The following TFAP2B variants were observed in gnomAD, a reference collection of about 807,000 sequenced individuals.
TFAP2B encodes transcription factor AP-2 beta.
In TFAP2B, 9 loss-of-function variants were observed where a neutral mutation model predicts 44.3. That is an observed-to-expected ratio of 0.20 (90% CI 0.12 to 0.35). TFAP2B has a LOEUF of 0.35. Ranked by LOEUF, TFAP2B falls within the 10% of genes least tolerant of loss-of-function variation. The probability of loss-of-function intolerance (pLI) is 1.00; values close to 1 mark genes in which losing one functional copy is unlikely to be tolerated. For missense variants in TFAP2B, 509 were observed against 600.0 expected (o/e 0.85, Z 1.59); for synonymous variants, 270 against 263.8 (o/e 1.02, Z -0.23).
intron 3 of TFAP2B, among the ~76,000 whole-genome samples, chr6:50,832,316 C>T (rs1055560275): frequency 2.0e-5 from 3 of 152,186 alleles, no homozygotes; most frequent in African/African-American, 7.2e-5. Context: ...TCCTATACAC[C>T]ATGTAAGTGA....
At position 50,823,505 on chromosome 6, in the gene TFAP2B, C is replaced by A; in HGVS notation, c.180C>A (p.Thr60=). The change falls in exon 2 of 7, where the codon ACC becomes ACA. Residue 60 remains threonine (T), a synonymous_variant. Coordinates refer to ENST00000393655, the MANE Select transcript of TFAP2B (RefSeq NM_003221.4). The stretch of plus-strand genomic sequence containing the variant: ...CGAGCGCCCCGCCGCTGTCCCACAC[C>A]CCGTCGTCGGACTTCCAGCCGCCCT... ...PYSSAPPLSH[T]PSSDFQPPYF... 1 of 1,613,774 alleles carries A rather than the reference C, an allele frequency of 6.2e-7. No individual in the cohort carries two copies. Among genetic ancestry groups the A allele is most frequent in the South Asian group, 1.1e-5 (1 of 91,016 alleles).
At chr6:50,826,097 G>A (rs144984786) in intron 2 of TFAP2B, among the ~76,000 whole-genome samples, 152 of 152,298 alleles carry the variant, frequency 1.0e-3, no homozygotes, top group Non-Finnish European at 1.8e-3. Context: ...GGAAGCTGGG[G>A]TGCGGGGGCT....
chr6:50,821,353 G>A (rs1468273280), intron 1 of TFAP2B, among the ~76,000 whole-genome samples: 2 of 152,100 alleles, frequency 1.3e-5, no homozygotes, highest in African/African-American at 4.8e-5. Context: ...AAATAACCAG[G>A]CCCACCAATT....
At chr6:50,836,005 C>A in intron 3 of TFAP2B, 56 bp from the exon 4 acceptor site, 1 of 1,352,866 alleles carries the variant, frequency 7.4e-7, no homozygotes, top group East Asian at 2.3e-5. Context: ...TTCTATCAGC[C>A]GGTCATCAGG....
At chr6:50,822,036 G>A in intron 1 of TFAP2B, 1 of 718,692 alleles carries the variant, frequency 1.4e-6, no homozygotes, top group Non-Finnish European at 2.1e-6. Context: ...AACACATCAA[G>A]CTCAGCTCCT....
intron 3 of TFAP2B, among the ~76,000 whole-genome samples, chr6:50,834,887 G>A (rs534513697): frequency 6.6e-6 from 1 of 152,304 alleles, no homozygotes; most frequent in Admixed American, 6.5e-5. Flanking sequence ...CAAAGTTACA[G>A]GGAAAGTCAG....
intron 6 of TFAP2B, 94 bp downstream of exon 6, chr6:50,840,391 C>G (rs1169897600): frequency 1.3e-6 from 2 of 1,501,640 alleles, no homozygotes; most frequent in Non-Finnish European, 1.8e-6. Context: ...GAGAAAGAAG[C>G]CAGAGGGTTG....
In TFAP2B at chr6:50,826,847, G is replaced by A. The variant is rs184962734; in HGVS notation, c.541-1772G>A. Among the ~76,000 whole-genome samples the A allele has an allele frequency of 1.9e-3, 290 of 152,218 alleles. 1 individual carries two copies. Among genetic ancestry groups the A allele is most frequent in the African/African-American group, 6.7e-3 (279 of 41,526 alleles). On this transcript the variant is annotated intron_variant, in intron 2 of 6. Transcript: ENST00000393655. ...CTCAAACACACCCGAGTGTCTTAAAGCAACCCCTGGTATCACTTTTAACTA... is the reference window on the plus strand; with the variant it reads ...CTCAAACACACCCGAGTGTCTTAAAACAACCCCTGGTATCACTTTTAACTA...
chr6:50,823,141 G>T (rs1319216972), intron 1 of TFAP2B, among the ~76,000 whole-genome samples: 1 of 152,090 alleles, frequency 6.6e-6, no homozygotes. Context: ...AAATGTTATA[G>T]TTAAGTGGGT....
At chr6:50,831,970 C>T (rs1334804086) in intron 3 of TFAP2B, among the ~76,000 whole-genome samples, 4 of 152,124 alleles carry the variant, frequency 2.6e-5, no homozygotes, top group African/African-American at 9.7e-5. Context: ...TTAGTTCTGG[C>T]CCCTTCCCCA....
intron 2 of TFAP2B, among the ~76,000 whole-genome samples, 153 bp downstream of exon 2, chr6:50,824,018 A>G (rs1005307854): frequency 1.3e-5 from 2 of 152,212 alleles, no homozygotes; most frequent in East Asian, 1.9e-4. Context: ...AGAACTGTTT[A>G]TGTGTGTCTG....
chr6:50,831,256 G>C (rs2113942148), intron 3 of TFAP2B, among the ~76,000 whole-genome samples: 1 of 152,324 alleles, frequency 6.6e-6, no homozygotes, highest in Admixed American at 6.5e-5. Flanking sequence ...CCAGTAGAGA[G>C]AGCAAACGAG....
intron 3 of TFAP2B, 61 bp downstream of exon 3, chr6:50,828,740 T>G (rs1770594590): frequency 6.4e-7 from 1 of 1,567,384 alleles, no homozygotes; most frequent in African/African-American, 1.4e-5. Flanking sequence ...GTCTTTATGA[T>G]GAATTTTCAC....
Position 50,823,427 on chromosome 6 carries a change from G to A in TFAP2B, c.102G>A (p.Pro34=). The A allele has an allele frequency of 6.2e-7, 1 of 1,601,256 alleles. No individual in the cohort carries two copies. Among genetic ancestry groups the A allele is most frequent in the South Asian group, 1.1e-5 (1 of 89,130 alleles). The part of the protein sequence containing the change: ...DIYEDRHDGV[P]SHSSRLSQLG... ...CCCAGGACCGGCACGATGGTGTCCC[G>A]AGCCACAGCTCGCGGCTCTCCCAGC... Residue 34 remains proline, a synonymous_variant, in exon 2 of 7, where the codon CCG becomes CCA. Transcript: ENST00000393655.
In TFAP2B at chr6:50,846,475, C is replaced by A. The variant is rs1762852970; in HGVS notation, c.*3083C>A. 1 of 152,642 alleles carries A rather than the reference C, an allele frequency of 6.6e-6. No individual in the cohort carries two copies. The highest frequency in any genetic ancestry group is 1.5e-5 in the Non-Finnish European group (1 of 68,110). The allele number at this position is 152,642 out of a possible 1,614,324, so 9.5% of individuals were successfully genotyped here. Reference sequence around the variant, plus strand: ...GGTGAGTTGCAGCTCTCCCCCCGGCCCCTGCACTCTTCAGACATTTGGTCC... The same window carrying A: ...GGTGAGTTGCAGCTCTCCCCCCGGCACCTGCACTCTTCAGACATTTGGTCC... On this transcript the variant is annotated 3_prime_UTR_variant, in exon 7 of 7. Coordinates refer to ENST00000393655, the MANE Select transcript of TFAP2B (RefSeq NM_003221.4).
intron 1 of TFAP2B, chr6:50,822,106 T>C (rs1309051061): frequency 7.7e-7 from 1 of 1,303,418 alleles, no homozygotes. Context: ...TGTTTGATTT[T>C]GAGCAGTAAC....
chr6:50,826,680 C>T (rs1770518419), intron 2 of TFAP2B, among the ~76,000 whole-genome samples: 1 of 151,886 alleles, frequency 6.6e-6, no homozygotes, highest in South Asian at 2.1e-4. Flanking sequence ...TGAAAGGACA[C>T]CTAGTTTGGG....
chr6:50,840,368 G>A (rs1762702454), intron 6 of TFAP2B, 71 bp downstream of exon 6: 2 of 1,584,494 alleles, frequency 1.3e-6, no homozygotes, highest in Admixed American at 3.3e-5. Context: ...GGAGTAGGTG[G>A]TGGGGAGGGG....
chr6:50,819,105 C>A, intron 1 of TFAP2B, 133 bp downstream of exon 1: 2 of 901,382 alleles, frequency 2.2e-6, no homozygotes, highest in Non-Finnish European at 3.5e-6. Context: ...CTTTTTTTAA[C>A]TTTTAGAAAA....
Sources: gnomAD v4.1 joint callset for allele counts (sites outside exome capture counted in the v4.1 genomes callset) on GRCh38, gnomAD v4.1.1 for gene constraint, MANE v1.5 for transcripts, NCBI Gene and HGNC (gene_info 2026-07-23, HGNC 2026-07-21) for gene names.